Variants in TEKTIP1 observed in about 807,000 individuals in gnomAD.
TEKTIP1 encodes the protein tektin bundle-interacting protein 1.
At chr19:3,543,439 C>T in the TEKTIP1 span, 20 of 1,545,466 alleles carry the variant, frequency 1.3e-5, no homozygotes, top group Non-Finnish European at 1.7e-5. Context: ...GCTGGCACAG[C>T]TGCTACCAAC....
the TEKTIP1 span, chr19:3,543,895 C>T: frequency 3.4e-5 from 53 of 1,550,916 alleles, no homozygotes; most frequent in African/African-American, 1.4e-4. Context: ...CCCTCCCTGT[C>T]GGCACCCCAG....
the TEKTIP1 span, chr19:3,542,305 T>A: frequency 2.0e-6 from 2 of 985,414 alleles, no homozygotes; most frequent in Non-Finnish European, 1.2e-6. Context: ...AGTCAGGATT[T>A]AAGCAGAGTT....
the TEKTIP1 span, chr19:3,539,263 G>GAGCCCCTCCCTACAGGTGAGCCCCTCCC: frequency 6.5e-7 from 1 of 1,543,670 alleles, no homozygotes; most frequent in Non-Finnish European, 8.8e-7. Context: ...CTGTACAGGT[G>GAGCCCCTCCCTACAGGTGAGCCCCTCCC]AGCCCCTCCC....
the TEKTIP1 span, among the ~76,000 whole-genome samples, chr19:3,541,333 C>CAA: frequency 5.6e-5 from 8 of 142,068 alleles, no homozygotes; most frequent in African/African-American, 2.0e-4. Flanking sequence ...AAGACTGTCT[C>CAA]AAAAAAAAAA....
chr19:3,543,708 G>A, the TEKTIP1 span: 18 of 1,503,020 alleles, frequency 1.2e-5, no homozygotes, highest in Non-Finnish European at 1.3e-5. Flanking sequence ...GTGGGTCCTT[G>A]GGAGGCCAGG....
the TEKTIP1 span, chr19:3,542,200 C>T: frequency 3.0e-6 from 3 of 985,386 alleles, no homozygotes; most frequent in African/African-American, 3.5e-5. Context: ...TTGAAATTGC[C>T]TTTCTAGTGG....
At chr19:3,542,929 T>G in the TEKTIP1 span, 1 of 1,460,328 alleles carries the variant, frequency 6.8e-7, no homozygotes, top group South Asian at 1.1e-5. Context: ...AATCCAGGAG[T>G]AGCCAGGGCC....
At chr19:3,543,237 A>T in the TEKTIP1 span, 1 of 1,543,136 alleles carries the variant, frequency 6.5e-7, no homozygotes, top group Non-Finnish European at 8.7e-7. Context: ...ACCCTCAGCG[A>T]TGACTACCTG....
the TEKTIP1 span, chr19:3,543,516 G>A: frequency 5.4e-6 from 8 of 1,494,172 alleles, no homozygotes; most frequent in South Asian, 6.2e-5. Context: ...GCCTGCCAGA[G>A]GGGGACAGGA....
the TEKTIP1 span, chr19:3,543,581 G>A: frequency 1.1e-3 from 1,739 of 1,518,882 alleles, 4 homozygotes; most frequent in Non-Finnish European, 1.5e-3. Flanking sequence ...GCGGGAGACC[G>A]CCTGGCATGA....
chr19:3,539,175 G>T, the TEKTIP1 span: 1 of 1,549,464 alleles, frequency 6.5e-7, no homozygotes, highest in Admixed American at 2.0e-5. Flanking sequence ...GATCCAGGCA[G>T]ACATGCAAAC....
the TEKTIP1 span, chr19:3,539,330 T>C: frequency 1.2e-6 from 1 of 850,510 alleles, no homozygotes; most frequent in East Asian, 4.0e-5. Flanking sequence ...TCAGGTTACA[T>C]GGTGTTTGGT....
the TEKTIP1 span, chr19:3,543,699 T>A: frequency 2.0e-6 from 3 of 1,508,794 alleles, no homozygotes; most frequent in Non-Finnish European, 2.7e-6. Flanking sequence ...AGGTGCAGGG[T>A]GGGTCCTTGG....
chr19:3,540,852 C>G, the TEKTIP1 span, among the ~76,000 whole-genome samples: 1 of 128,666 alleles, frequency 7.8e-6, no homozygotes, highest in Non-Finnish European at 1.7e-5. Context: ...GGACTTCAGC[C>G]CAGAGCGAAA....
chr19:3,543,848 C>T, the TEKTIP1 span: 33 of 1,542,376 alleles, frequency 2.1e-5, no homozygotes, highest in South Asian at 1.9e-4. Context: ...GGAACCGGTA[C>T]GGGGTGGAGC....
At chr19:3,543,312 T>C in the TEKTIP1 span, 15 of 1,549,218 alleles carry the variant, frequency 9.7e-6, no homozygotes, top group Middle Eastern at 1.8e-4. Flanking sequence ...TACACGCCCA[T>C]GGGACGGGAC....
At chr19:3,540,286 C>G in the TEKTIP1 span, among the ~76,000 whole-genome samples, 13 of 149,696 alleles carry the variant, frequency 8.7e-5, no homozygotes, top group Non-Finnish European at 1.5e-5. Context: ...TGGACGGAGT[C>G]TCACTCTTGT....
chr19:3,542,091 T>C, the TEKTIP1 span: 2 of 983,440 alleles, frequency 2.0e-6, no homozygotes, highest in Non-Finnish European at 2.4e-6. Flanking sequence ...ATTACAGGCA[T>C]GAGCCACTGC....
the TEKTIP1 span, chr19:3,542,936 G>A: frequency 1.4e-6 from 2 of 1,476,926 alleles, no homozygotes; most frequent in Non-Finnish European, 1.8e-6. Context: ...GAGTAGCCAG[G>A]GCCCTTGTCC....
Sources: gnomAD v4.1 joint callset for allele counts (sites outside exome capture counted in the v4.1 genomes callset) on GRCh38, gnomAD v4.1.1 for gene constraint, MANE v1.5 for transcripts, NCBI Gene and HGNC (gene_info 2026-07-23, HGNC 2026-07-21) for gene names.